ULK2: variants seen among roughly 807,000 people sequenced by gnomAD.
ULK2 encodes the protein serine/threonine-protein kinase ULK2.
Under a neutral mutation model 127.5 loss-of-function variants are expected in ULK2, and 76 were observed. The observed-to-expected ratio is 0.60, with a 90% CI of 0.50 to 0.72. ULK2 has a LOEUF of 0.72. Ranked by LOEUF, ULK2 falls within the 30% of genes least tolerant of loss-of-function variation. ULK2 has a pLI of 0.00. For missense variants in ULK2, 1,144 were observed against 1,295.9 expected (o/e 0.88, Z 1.80); for synonymous variants, 452 against 461.9 (o/e 0.98, Z 0.28).
intron 1 of ULK2, among the ~76,000 whole-genome samples, chr17:19,866,445 T>C (rs1597832873): frequency 6.6e-6 from 1 of 152,046 alleles, no homozygotes; most frequent in African/African-American, 2.4e-5. Flanking sequence ...GAGGCAGCGG[T>C]TGCAGTGAGC....
At chr17:19,843,532 A>G (rs1468075657) in intron 7 of ULK2, among the ~76,000 whole-genome samples, 1 of 152,216 alleles carries the variant, frequency 6.6e-6, no homozygotes, top group East Asian at 1.9e-4. Flanking sequence ...AATACACACC[A>G]TAGGACATGG....
intron 12 of ULK2, among the ~76,000 whole-genome samples, chr17:19,820,206 G>A (rs981049857): frequency 3.3e-5 from 5 of 151,912 alleles, no homozygotes; most frequent in Admixed American, 2.6e-4. Context: ...GCCCCACCAC[G>A]CCCAGCTAAT....
chr17:19,840,789 T>A (rs950579720), intron 9 of ULK2, among the ~76,000 whole-genome samples: 3 of 151,036 alleles, frequency 2.0e-5, no homozygotes, highest in African/African-American at 7.3e-5. Context: ...CTAGGAAGGC[T>A]GAAGCATGAG....
intron 11 of ULK2, 118 bp downstream of exon 11, chr17:19,826,021 T>TAAATAAATAAATAAAA: frequency 3.4e-6 from 1 of 290,874 alleles, no homozygotes; most frequent in Non-Finnish European, 6.6e-6. Flanking sequence ...AATAAATAAA[T>TAAATAAATAAATAAAA]AAATTCAATG....
intron 10 of ULK2, among the ~76,000 whole-genome samples, chr17:19,833,127 GAAAAAAAAA>G (rs71157837): frequency 8.7e-6 from 1 of 115,488 alleles, no homozygotes. Context: ...TGTCTCAAAG[GAAAAAAAAA>G]AAAAAAAAAA....
intron 20 of ULK2, among the ~76,000 whole-genome samples, chr17:19,793,123 G>C (rs1474820487): frequency 6.6e-6 from 1 of 152,178 alleles, no homozygotes; most frequent in African/African-American, 2.4e-5. Flanking sequence ...GGAAGGCAAA[G>C]GGGAAGCAAG....
chr17:19,794,940 G>A lies in ULK2; in HGVS notation c.2101+682C>T, dbSNP rs997229212. Among the ~76,000 whole-genome samples the A allele has an allele frequency of 2.0e-4, 31 of 151,950 alleles. 2 individuals carry two copies. The South Asian group carries it at 4.8e-3, about 23-fold the overall frequency. ...AAAAATACAAAAAAATTAGCCAGGC[G>A]TAGTGGCGGGCGCCTATAGTCCCAA... is the stretch of plus-strand genomic sequence containing the variant. On this transcript the variant is annotated intron_variant, in intron 20 of 26. Transcript: ENST00000395544.
intron 12 of ULK2, among the ~76,000 whole-genome samples, chr17:19,820,173 C>T (rs1430330745): frequency 2.0e-5 from 3 of 151,878 alleles, no homozygotes; most frequent in East Asian, 1.9e-4. Context: ...TGCAGCCTCC[C>T]GAGTAGCTGG....
intron 9 of ULK2, chr17:19,840,030 G>A (rs2041701765): frequency 3.4e-6 from 1 of 293,678 alleles, no homozygotes; most frequent in Non-Finnish European, 6.7e-6. Context: ...AATGAAAACA[G>A]GGATCTGATT....
At chr17:19,823,162 C>T (rs2041203929) in intron 12 of ULK2, among the ~76,000 whole-genome samples, 4 of 112,758 alleles carry the variant, frequency 3.5e-5, no homozygotes, top group African/African-American at 1.5e-4. Context: ...GATGGGTGGT[C>T]TTGATATGTT....
intron 20 of ULK2, among the ~76,000 whole-genome samples, chr17:19,794,261 T>C (rs1376793403): frequency 6.6e-6 from 1 of 152,098 alleles, no homozygotes; most frequent in Non-Finnish European, 1.5e-5. Flanking sequence ...GCTCAGTCAG[T>C]AGAGCATGAG....
At chr17:19,798,506 T>C (rs2087324003) in intron 17 of ULK2, among the ~76,000 whole-genome samples, 1 of 152,208 alleles carries the variant, frequency 6.6e-6, no homozygotes, top group Non-Finnish European at 1.5e-5. Flanking sequence ...GCAAATATTC[T>C]TAGTGACCTA....
intron 20 of ULK2, among the ~76,000 whole-genome samples, chr17:19,786,585 G>A (rs749017728): frequency 1.3e-4 from 19 of 151,948 alleles, no homozygotes; most frequent in Non-Finnish European, 2.2e-4. Flanking sequence ...ATGGTGATGC[G>A]TGCCTGTAAT....
chr17:19,783,619 T>C, intron 22 of ULK2, 78 bp downstream of exon 22: 1 of 1,283,678 alleles, frequency 7.8e-7, no homozygotes, highest in Non-Finnish European at 1.0e-6. Flanking sequence ...CTATTTAATG[T>C]ATTTTGTTCT....
chr17:19,791,487 C>G (rs2087151662), intron 20 of ULK2, among the ~76,000 whole-genome samples: 1 of 152,122 alleles, frequency 6.6e-6, no homozygotes, highest in Admixed American at 6.6e-5. Context: ...GAGTTCCAGA[C>G]CAGCCTGGCC....
At chr17:19,824,704 T>C (rs1368024283) in intron 12 of ULK2, among the ~76,000 whole-genome samples, 2 of 152,016 alleles carry the variant, frequency 1.3e-5, no homozygotes, top group South Asian at 2.1e-4. Context: ...TCAGTAGAAA[T>C]TCCACATACA....
intron 3 of ULK2, among the ~76,000 whole-genome samples, chr17:19,857,506 G>A (rs1490420946): frequency 2.6e-5 from 4 of 152,228 alleles, no homozygotes; most frequent in East Asian, 1.9e-4. Flanking sequence ...GGAAAATGAT[G>A]AGAATGGTGT....
At chr17:19,840,377 T>A in intron 9 of ULK2, 1 of 521,216 alleles carries the variant, frequency 1.9e-6, no homozygotes, top group South Asian at 1.5e-5. Flanking sequence ...GACCCACTCC[T>A]AAAAACTCAC....
At chr17:19,825,764 A>C (rs1285887125) in intron 11 of ULK2, among the ~76,000 whole-genome samples, 1 of 151,550 alleles carries the variant, frequency 6.6e-6, no homozygotes. Flanking sequence ...AGGCGGGTGG[A>C]TCACCTGAGG....
Sources: gnomAD v4.1 joint callset for allele counts (sites outside exome capture counted in the v4.1 genomes callset) on GRCh38, gnomAD v4.1.1 for gene constraint, MANE v1.5 for transcripts, NCBI Gene and HGNC (gene_info 2026-07-23, HGNC 2026-07-21) for gene names.